Variants in DCDC1 observed in about 807,000 individuals in gnomAD.
The protein encoded by DCDC1 is doublecortin domain containing 1, also known as doublecortin domain-containing protein 1.
DCDC1 carries 200 observed loss-of-function variants against 178.3 expected under a neutral mutation model. That is an observed-to-expected ratio of 1.12 (90% CI 1.00 to 1.26). DCDC1 has a LOEUF of 1.26. Ranked by LOEUF, DCDC1 falls within the 50% of genes most tolerant of loss-of-function variation. DCDC1 has a pLI of 0.00. For synonymous variants in DCDC1, 690 were observed against 604.8 expected, an observed-to-expected ratio of 1.14 and a Z score of -2.07; for missense variants, 1,983 against 1,749.2, an observed-to-expected ratio of 1.13 and a Z score of -2.38.
At chr11:31,335,111 G>C (rs1950204959) in intron 2 of DCDC1, among the ~76,000 whole-genome samples, 1 of 152,158 alleles carries the variant, frequency 6.6e-6, no homozygotes, top group Non-Finnish European at 1.5e-5. Context: ...AGCAATGGTG[G>C]ATACCCCTCC....
Position 31,109,226 on chromosome 11 carries a change from C to T in DCDC1, c.1587+1034G>A, listed in dbSNP as rs114080640. ...CTCAGCATCCCAGGCTCAAGTGATC[C>T]CCCCACCTCAGCCCCCGAGTAACTG... On this transcript the variant is annotated intron_variant, in intron 12 of 38. Coordinates refer to ENST00000684477, the MANE Select transcript of DCDC1 (RefSeq NM_001387274.1). 8.2e-3 allele frequency among the ~76,000 whole-genome samples: 1,242 copies of T among 151,694 alleles called. 10 individuals are homozygous for T. Among genetic ancestry groups the T allele is most frequent in the African/African-American group, 0.029 (1,188 of 41,328 alleles).
intron 6 of DCDC1, among the ~76,000 whole-genome samples, chr11:31,305,126 G>T (rs1042070110): frequency 6.6e-6 from 1 of 151,996 alleles, no homozygotes; most frequent in Non-Finnish European, 1.5e-5. Context: ...TATGAAATAC[G>T]TTATTAGGAG....
chr11:31,259,280 G>A (rs1944624271), intron 8 of DCDC1, among the ~76,000 whole-genome samples: 1 of 152,086 alleles, frequency 6.6e-6, no homozygotes. Context: ...CTGAACCCGG[G>A]AGGCGGAGGT....
chr11:30,970,845 G>A (rs909341965), intron 20 of DCDC1, among the ~76,000 whole-genome samples: 1 of 152,130 alleles, frequency 6.6e-6, no homozygotes, highest in Non-Finnish European at 1.5e-5. Flanking sequence ...TGCACCATAG[G>A]GGACCTGAGG....
At chr11:31,090,719 TA>T in intron 17 of DCDC1, among the ~76,000 whole-genome samples, 1 of 152,218 alleles carries the variant, frequency 6.6e-6, no homozygotes, top group Admixed American at 6.5e-5. Flanking sequence ...GATTGCAGCC[TA>T]AGCATATCCT....
At chr11:30,876,313 A>G (rs1234949766) in intron 38 of DCDC1, among the ~76,000 whole-genome samples, 2 of 152,212 alleles carry the variant, frequency 1.3e-5, no homozygotes, top group African/African-American at 4.8e-5. Context: ...CAGATTTGCA[A>G]TGGTCTTATC....
At chr11:31,230,148 C>A (rs976636044) in intron 9 of DCDC1, among the ~76,000 whole-genome samples, 7 of 152,014 alleles carry the variant, frequency 4.6e-5, no homozygotes, top group African/African-American at 1.7e-4. Context: ...CTAATAATTT[C>A]AGCAAAGTTG....
At chr11:31,109,089 C>T (rs1010467810) in intron 12 of DCDC1, among the ~76,000 whole-genome samples, 2 of 151,520 alleles carry the variant, frequency 1.3e-5, no homozygotes, top group African/African-American at 4.8e-5. Context: ...TATAAGTCAA[C>T]ACAAAAAGTT....
chr11:30,973,035 G>C (rs1949898538), intron 20 of DCDC1, among the ~76,000 whole-genome samples: 1 of 152,060 alleles, frequency 6.6e-6, no homozygotes, highest in Non-Finnish European at 1.5e-5. Flanking sequence ...ACTTTTGGGG[G>C]CTGAAGTGGG....
chr11:31,183,373 A>C (rs1969076547), intron 9 of DCDC1, among the ~76,000 whole-genome samples: 2 of 152,202 alleles, frequency 1.3e-5, no homozygotes, highest in Admixed American at 6.5e-5. Flanking sequence ...CAAATGCAGA[A>C]TGGAAATCAT....
At chr11:31,341,593 T>C (rs939395242) in intron 1 of DCDC1, among the ~76,000 whole-genome samples, 1 of 152,162 alleles carries the variant, frequency 6.6e-6, no homozygotes, top group Non-Finnish European at 1.5e-5. Flanking sequence ...GCTACAAACC[T>C]GTACAGCATG....
chr11:30,959,296 G>A (rs945655470), intron 20 of DCDC1, among the ~76,000 whole-genome samples: 10 of 152,120 alleles, frequency 6.6e-5, no homozygotes, highest in African/African-American at 2.4e-4. Flanking sequence ...GATATTGTTA[G>A]AGGTGCAAGT....
chr11:31,264,298 C>T (rs1944994247), intron 8 of DCDC1, among the ~76,000 whole-genome samples: 1 of 152,048 alleles, frequency 6.6e-6, no homozygotes, highest in Admixed American at 6.6e-5. Context: ...AGTGCCTGTT[C>T]CCAGGAAGCC....
intron 6 of DCDC1, among the ~76,000 whole-genome samples, chr11:31,291,948 A>G (rs1395880769): frequency 6.6e-6 from 1 of 152,052 alleles, no homozygotes; most frequent in Non-Finnish European, 1.5e-5. Context: ...TGGTTGTAAT[A>G]ACCTTCGAGT....
At chr11:31,223,925 T>A (rs1031325519) in intron 9 of DCDC1, among the ~76,000 whole-genome samples, 2 of 152,032 alleles carry the variant, frequency 1.3e-5, no homozygotes, top group African/African-American at 2.4e-5. Context: ...CAAGATACAA[T>A]CCCACATGTT....
intron 20 of DCDC1, chr11:30,992,368 A>C (rs1278918620): frequency 6.6e-6 from 1 of 152,226 alleles, no homozygotes; most frequent in East Asian, 1.9e-4. Flanking sequence ...TAACAGGGTA[A>C]GCTCCCTGCG....
intron 24 of DCDC1, among the ~76,000 whole-genome samples, chr11:30,921,175 T>C (rs1456009577): frequency 6.6e-6 from 1 of 152,170 alleles, no homozygotes; most frequent in Non-Finnish European, 1.5e-5. Context: ...TTATCATATA[T>C]CGTAATTATT....
At chr11:30,942,874 C>T (rs933430716) in intron 21 of DCDC1, among the ~76,000 whole-genome samples, 1 of 152,198 alleles carries the variant, frequency 6.6e-6, no homozygotes, top group Admixed American at 6.5e-5. Flanking sequence ...CAAAACTTTA[C>T]AAATGTTAAC....
intron 1 of DCDC1, among the ~76,000 whole-genome samples, chr11:31,345,143 G>A (rs1400586212): frequency 6.6e-6 from 1 of 151,984 alleles, no homozygotes; most frequent in Admixed American, 6.6e-5. Flanking sequence ...TATGGTCAAA[G>A]GCCATTTTTT....
Sources: allele counts gnomAD v4.1 joint callset (sites outside exome capture counted in the v4.1 genomes callset), GRCh38; gene constraint gnomAD v4.1.1; transcripts MANE v1.5; gene names NCBI Gene and HGNC (gene_info 2026-07-23, HGNC 2026-07-21).